TRRAP: variants seen among roughly 807,000 people sequenced by gnomAD.
TRRAP encodes transformation/transcription domain associated protein.
A neutral mutation model predicts 438.8 loss-of-function variants in TRRAP; 41 were observed. The ratio of observed to expected loss-of-function variants is 0.09; its 90% CI spans 0.07 to 0.12. The LOEUF is 0.12. Ranked by LOEUF, TRRAP falls within the 10% of genes least tolerant of loss-of-function variation. The pLI is 1.00. For synonymous variants in TRRAP, 1,994 were observed against 1,962.9 expected, an observed-to-expected ratio of 1.02 and a Z score of -0.42; for missense variants, 3,122 against 5,055.1, an observed-to-expected ratio of 0.62 and a Z score of 11.60.
Position 99,005,359 on chromosome 7 carries a change from G to GA in TRRAP, c.10753+12dup. The GA allele has an allele frequency of 1.2e-6, 2 of 1,613,580 alleles. No individual in the cohort carries two copies. Among genetic ancestry groups the GA allele is most frequent in the Non-Finnish European group, 1.7e-6 (2 of 1,179,788 alleles). ...ACTTGTTTTTCACAGGTAGGGTTGA[G>GA]AGCCACAGCTCGCTGGGTACACAGG... On this transcript the variant is annotated intron_variant, in intron 69 of 72. Coordinates refer to ENST00000456197, the MANE Select transcript of TRRAP (RefSeq NM_001375524.1). The surrounding 1 kb of genome is among the most constrained non-coding windows in gnomAD (Gnocchi z 5.1).
chr7:98,894,419 C>T (rs1485930931), intron 6 of TRRAP, among the ~76,000 whole-genome samples: 1 of 152,106 alleles, frequency 6.6e-6, no homozygotes, highest in Non-Finnish European at 1.5e-5. Context: ...TATATCTTCT[C>T]TGGTGATAAC....
At chr7:98,893,506 C>A (rs1796066618) in intron 5 of TRRAP, among the ~76,000 whole-genome samples, 1 of 152,224 alleles carries the variant, frequency 6.6e-6, no homozygotes, top group South Asian at 2.1e-4. Context: ...ACAATATTGT[C>A]CAACAATGGA....
chr7:98,959,607 A>G, intron 45 of TRRAP, 117 bp downstream of exon 45: 2 of 1,432,984 alleles, frequency 1.4e-6, no homozygotes, highest in East Asian at 2.4e-5. Context: ...CTAAACCCCA[A>G]ATCTCCTGTC....
chr7:98,915,219 T>G (rs1789467237), intron 18 of TRRAP, among the ~76,000 whole-genome samples: 1 of 152,074 alleles, frequency 6.6e-6, no homozygotes, highest in Admixed American at 6.6e-5. Flanking sequence ...TGAGACCGAA[T>G]TTCACTCTTG....
Position 98,930,747 on chromosome 7 carries a change from C to A in TRRAP, c.3508C>A (p.Arg1170=). 2.5e-6 allele frequency: 4 copies of A among 1,614,194 alleles called. No individual in the cohort carries two copies. The highest frequency in any genetic ancestry group is 3.4e-6 in the Non-Finnish European group (4 of 1,180,034). Residue 1170 remains arginine (R), a synonymous_variant, in exon 25 of 73, where the codon CGG becomes AGG. Coordinates refer to ENST00000456197, the MANE Select transcript of TRRAP (RefSeq NM_001375524.1). ...GGTGTCTATTAAGTTTCTCATGGAG[C>A]GGCTGCCTCTCACTTGGGTTCTCCA... ...GVVSIKFLME[R]LPLTWVLQNQ...
chr7:98,971,788 T>G lies in TRRAP; in HGVS notation c.7693-11T>G, dbSNP rs1329125152. 2 of 1,611,360 alleles carry G rather than the reference T, an allele frequency of 1.2e-6. No individual in the cohort carries two copies. The highest frequency in any genetic ancestry group is 2.7e-5 in the African/African-American group (2 of 74,764). ...TGACCTTTTGGTTTTGCTTGCTGCT[T>G]TGTTTCTTAGGATGTAGAGATAGAC... On this transcript the variant is annotated splice_polypyrimidine_tract_variant and intron_variant, in intron 52 of 72. Transcript: ENST00000456197.
At position 98,890,362 on chromosome 7, in the gene TRRAP, A is replaced by G. The variant is rs1554404628; in HGVS notation, c.178A>G (p.Thr60Ala). The change falls in exon 4 of 73, where the codon ACA becomes GCA. Residue 60 changes from threonine to alanine, a missense_variant. By Grantham distance (58) the Thr-to-Ala change is moderately conservative. Coordinates refer to ENST00000456197, the MANE Select transcript of TRRAP (RefSeq NM_001375524.1). ...ENVTSSPQYS[T>A]FLEHIIPRFL... ...TGTCACGTCATCTCCTCAGTATTCTACATTCCTAGAACATATCATCCCTCG... is the reference window on the plus strand; with the variant it reads ...TGTCACGTCATCTCCTCAGTATTCTGCATTCCTAGAACATATCATCCCTCG... The G allele has an allele frequency of 1.3e-6, 2 of 1,595,812 alleles. No individual in the cohort carries two copies. Among genetic ancestry groups the G allele is most frequent in the South Asian group, 1.2e-5 (1 of 86,074 alleles).
chr7:98,948,197 A>G lies in TRRAP; in HGVS notation c.4549-24A>G, dbSNP rs782022821. ...ACTTGCAAAATTAATCGACCTGTTT[A>G]TAATTTCTGGTTTTCTTGATCAGGA... is the stretch of plus-strand genomic sequence containing the variant. On this transcript the variant is annotated intron_variant, in intron 33 of 72. Coordinates refer to ENST00000456197, the MANE Select transcript of TRRAP (RefSeq NM_001375524.1). This position sits in a 1 kb window ranked among gnomAD's most constrained non-coding sequence, Gnocchi z 4.9. 1 of 1,613,644 alleles carries G rather than the reference A, an allele frequency of 6.2e-7. No individual in the cohort carries two copies. The highest frequency in any genetic ancestry group is 1.1e-5 in the South Asian group (1 of 91,082).
Position 99,005,435 on chromosome 7 carries a change from C to T in TRRAP, c.10753+87C>T, listed in dbSNP as rs1422650438. ...CACACCTCGTGGGGTGCACAGGCAG[C>T]TCACGTTAGCCTTTGAGGGTCCAGC... On this transcript the variant is annotated intron_variant, in intron 69 of 72. Coordinates refer to ENST00000456197, the MANE Select transcript of TRRAP (RefSeq NM_001375524.1). The surrounding 1 kb of genome is among the most constrained non-coding windows in gnomAD (Gnocchi z 5.1). 2.3e-6 allele frequency: 3 copies of T among 1,297,856 alleles called. No homozygotes were observed. The highest frequency in any genetic ancestry group is 1.5e-5 in the African/African-American group (1 of 68,856). 80.4% of individuals were successfully genotyped at this position (1,297,856 alleles called of 1,614,324 possible).
intron 20 of TRRAP, among the ~76,000 whole-genome samples, chr7:98,919,186 T>G (rs1380745985): frequency 6.6e-6 from 1 of 152,158 alleles, no homozygotes; most frequent in East Asian, 1.9e-4. Context: ...GAGGCTCAGT[T>G]ACTCCTAGGA....
chr7:98,940,917 C>G (rs1426053475), intron 30 of TRRAP, among the ~76,000 whole-genome samples: 1 of 152,184 alleles, frequency 6.6e-6, no homozygotes, highest in Non-Finnish European at 1.5e-5. Context: ...AGTTTAATAG[C>G]TCAAGCCATC....
intron 14 of TRRAP, 85 bp from the exon 15 acceptor site, chr7:98,909,971 T>C: frequency 6.8e-7 from 1 of 1,474,276 alleles, no homozygotes; most frequent in Non-Finnish European, 9.0e-7. Flanking sequence ...GTCAGTCCCA[T>C]CTTATTTTAC....
intron 3 of TRRAP, among the ~76,000 whole-genome samples, chr7:98,883,687 T>G (rs965073701): frequency 2.0e-5 from 3 of 152,138 alleles, no homozygotes; most frequent in African/African-American, 7.2e-5. Flanking sequence ...CTAATTTTTG[T>G]ATATTTTGTA....
intron 52 of TRRAP, 126 bp downstream of exon 52, chr7:98,970,417 G>T: frequency 8.3e-7 from 1 of 1,210,190 alleles, no homozygotes; most frequent in Non-Finnish European, 1.1e-6. Flanking sequence ...AGGAGGTGAG[G>T]CCCCGCGCCC....
intron 27 of TRRAP, among the ~76,000 whole-genome samples, chr7:98,934,841 G>A (rs956599175): frequency 1.3e-5 from 2 of 152,184 alleles, no homozygotes; most frequent in African/African-American, 4.8e-5. Flanking sequence ...AGCAACAGTG[G>A]TTTCCTCTGG....
In TRRAP at chr7:98,925,263, A is replaced by C. The variant is rs781892964; in HGVS notation, c.2975A>C (p.Asn992Thr). ...CTCTACCAGCTCCTGGCACACCCCAAGTATGTCGGCCACTTCCTTCTGTGT... is the reference window on the plus strand; with the variant it reads ...CTCTACCAGCTCCTGGCACACCCCACGTATGTCGGCCACTTCCTTCTGTGT... Reference protein sequence around the residue: ...HALYQLLAHPNFTEKTIPNVI... With the variant: ...HALYQLLAHPTFTEKTIPNVI... The change falls in exon 22 of 73, where the codon AAC becomes ACC. Residue 992 changes from asparagine to threonine, a missense_variant and splice_region_variant. Asn to Thr is a moderately conservative substitution (Grantham distance 65). Around this residue, in one of 24 missense-constraint regions of TRRAP, gnomAD observed 133 missense variants for 188.6 expected, o/e 0.71. Transcript: ENST00000456197. 1.2e-6 allele frequency: 2 copies of C among 1,613,506 alleles called. No individual in the cohort carries two copies. The highest frequency in any genetic ancestry group is 3.3e-5 in the Admixed American group (2 of 59,918).
chr7:98,918,371 C>CA (rs1789621761), intron 20 of TRRAP, among the ~76,000 whole-genome samples: 1 of 151,534 alleles, frequency 6.6e-6, no homozygotes. Context: ...GCTGGGACTA[C>CA]AGACGCGTAC....
chr7:98,889,422 G>A (rs1203108030), intron 3 of TRRAP, among the ~76,000 whole-genome samples: 1 of 152,016 alleles, frequency 6.6e-6, no homozygotes, highest in Non-Finnish European at 1.5e-5. Flanking sequence ...AGTCCTATAA[G>A]GAAGGCGGGA....
At chr7:98,910,021 TTC>T in intron 14 of TRRAP, 33 bp from the exon 15 acceptor site, 1 of 1,529,166 alleles carries the variant, frequency 6.5e-7, no homozygotes, top group Non-Finnish European at 8.8e-7. Context: ...AGAAGAATAA[TTC>T]TGTCTTCCCT....
Sources: gnomAD v4.1 joint callset for allele counts (sites outside exome capture counted in the v4.1 genomes callset) on GRCh38, gnomAD v4.1.1 for gene constraint, gnomAD v4.1.1 regional missense constraint, Gnocchi (gnomAD v3.1) non-coding constraint, MANE v1.5 for transcripts, NCBI Gene and HGNC (gene_info 2026-07-23, HGNC 2026-07-21) for gene names.